TEAD1: variants seen among roughly 807,000 people sequenced by gnomAD.
TEAD1 encodes the protein transcriptional enhancer factor TEF-1.
Under a neutral mutation model 54.9 loss-of-function variants are expected in TEAD1, and 9 were observed. That is an observed-to-expected ratio of 0.16 (90% CI 0.10 to 0.29). TEAD1 has a LOEUF of 0.29. Ranked by LOEUF, TEAD1 falls within the 10% of genes least tolerant of loss-of-function variation. The pLI, the probability that TEAD1 is intolerant of heterozygous loss-of-function variation, is 1.00. For missense variants in TEAD1, 387 were observed against 535.9 expected, an observed-to-expected ratio of 0.72 and a Z score of 2.74; for synonymous variants, 200 against 187.8, an observed-to-expected ratio of 1.07 and a Z score of -0.53.
chr11:12,786,777 A>T (rs1945685798), intron 3 of TEAD1, among the ~76,000 whole-genome samples: 1 of 152,196 alleles, frequency 6.6e-6, no homozygotes, highest in South Asian at 2.1e-4. Context: ...AATAAGGAAG[A>T]TATGTAAGTA....
rs1246572782 is a variant in TEAD1, at chr11:12,939,192, A to C, written c.*1970A>C. 1 of 152,314 alleles carries C rather than the reference A, an allele frequency of 6.6e-6. No homozygotes were observed. The highest frequency in any genetic ancestry group is 1.5e-5 in the Non-Finnish European group (1 of 68,102). The allele number at this position is 152,314 out of a possible 1,614,324, so 9.4% of individuals were successfully genotyped here. A position where few individuals can be genotyped will look rare whatever the true frequency, so the allele number is the denominator to read the frequency against. On this transcript the variant is annotated 3_prime_UTR_variant, in exon 13 of 13. Transcript: ENST00000527636. ...GTTGGACAGTGCTCCTCTGCCCTTC[A>C]TAAACAGACTACTGTTGGGTCCCTG...
At chr11:12,703,785 A>G (rs1048739338) in intron 2 of TEAD1, among the ~76,000 whole-genome samples, 1 of 152,188 alleles carries the variant, frequency 6.6e-6, no homozygotes, top group Non-Finnish European at 1.5e-5. Flanking sequence ...GGTGCCCAGC[A>G]TGAATTGACC....
chr11:12,896,044 T>A (rs540319409), intron 9 of TEAD1, among the ~76,000 whole-genome samples: 9 of 151,958 alleles, frequency 5.9e-5, no homozygotes, highest in Middle Eastern at 6.8e-3. Context: ...TTAAAAAAAA[T>A]TAGCATTCAG....
chr11:12,722,185 A>G (rs1397177664), intron 2 of TEAD1, among the ~76,000 whole-genome samples: 1 of 152,194 alleles, frequency 6.6e-6, no homozygotes, highest in Non-Finnish European at 1.5e-5. Flanking sequence ...AGGGGCTCTG[A>G]AATTCGAAGC....
intron 12 of TEAD1, among the ~76,000 whole-genome samples, chr11:12,932,332 G>A (rs970986895): frequency 1.3e-5 from 2 of 152,098 alleles, no homozygotes; most frequent in Non-Finnish European, 2.9e-5. Flanking sequence ...ACGAGTAGAA[G>A]GTAAGTGTGA....
At chr11:12,702,721 C>T (rs1453834944) in intron 2 of TEAD1, among the ~76,000 whole-genome samples, 3 of 152,114 alleles carry the variant, frequency 2.0e-5, no homozygotes, top group Non-Finnish European at 2.9e-5. Flanking sequence ...GTCCTTCTCT[C>T]GCCCGGATTA....
At chr11:12,837,779 C>CTCTTCTTCCT (rs71037089) in intron 3 of TEAD1, among the ~76,000 whole-genome samples, 127,323 of 138,470 alleles carry the variant, frequency 0.92, 59,706 homozygotes, top group South Asian at 1. Context: ...CCTTCTCTTC[C>CTCTTCTTCCT]TCTTCTTCCT....
At chr11:12,876,274 A>G (rs1947852891) in intron 5 of TEAD1, among the ~76,000 whole-genome samples, 1 of 152,226 alleles carries the variant, frequency 6.6e-6, no homozygotes, top group Non-Finnish European at 1.5e-5. Context: ...GTTTCAAAAA[A>G]GAATATCAAA....
chr11:12,814,715 C>T (rs941615209), intron 3 of TEAD1, among the ~76,000 whole-genome samples: 7 of 151,632 alleles, frequency 4.6e-5, no homozygotes, highest in South Asian at 2.1e-4. Flanking sequence ...CTTGTCACAC[C>T]GTAAGCAAGA....
At chr11:12,858,091 G>A (rs1379357705) in intron 3 of TEAD1, among the ~76,000 whole-genome samples, 1 of 152,082 alleles carries the variant, frequency 6.6e-6, no homozygotes, top group Admixed American at 6.5e-5. Flanking sequence ...GGTGATAAAT[G>A]TGAGACCCTG....
At chr11:12,779,684 A>G (rs1280155408) in intron 3 of TEAD1, among the ~76,000 whole-genome samples, 3 of 152,244 alleles carry the variant, frequency 2.0e-5, no homozygotes, top group Admixed American at 1.3e-4. Flanking sequence ...AAACTCCTCC[A>G]CAAAATATGA....
At chr11:12,918,501 G>T (rs774473713) in intron 10 of TEAD1, among the ~76,000 whole-genome samples, 14 of 152,042 alleles carry the variant, frequency 9.2e-5, no homozygotes, top group Non-Finnish European at 1.9e-4. Context: ...TTTACTGTTA[G>T]TTGGGAAGCC....
At chr11:12,768,708 C>T (rs572590557) in intron 3 of TEAD1, among the ~76,000 whole-genome samples, 1 of 152,288 alleles carries the variant, frequency 6.6e-6, no homozygotes, top group East Asian at 1.9e-4. Flanking sequence ...AGCTGTATTC[C>T]AGCCCTGTGC....
At chr11:12,719,128 A>C (rs916779347) in intron 2 of TEAD1, among the ~76,000 whole-genome samples, 1 of 151,922 alleles carries the variant, frequency 6.6e-6, no homozygotes, top group Non-Finnish European at 1.5e-5. Flanking sequence ...ACAGGACTCA[A>C]GTCCTGGCTT....
At chr11:12,882,094 G>C (rs898989631) in intron 8 of TEAD1, 137 bp downstream of exon 8, 2 of 917,134 alleles carry the variant, frequency 2.2e-6, no homozygotes, top group Non-Finnish European at 1.7e-6. Flanking sequence ...AGGATCCTTG[G>C]GTAGCCTGTA....
At chr11:12,857,939 G>C (rs1030693009) in intron 3 of TEAD1, among the ~76,000 whole-genome samples, 7 of 152,004 alleles carry the variant, frequency 4.6e-5, no homozygotes, top group African/African-American at 1.7e-4. Flanking sequence ...TACAAAAGTT[G>C]GTCTGGTATG....
chr11:12,795,748 A>G (rs951459696), intron 3 of TEAD1, among the ~76,000 whole-genome samples: 2 of 152,190 alleles, frequency 1.3e-5, no homozygotes, highest in Non-Finnish European at 2.9e-5. Context: ...CAAGATCCCC[A>G]GGTGATTTGG....
At chr11:12,772,945 T>G (rs1349636461) in intron 3 of TEAD1, among the ~76,000 whole-genome samples, 2 of 152,170 alleles carry the variant, frequency 1.3e-5, no homozygotes, top group African/African-American at 4.8e-5. Flanking sequence ...GTTGCCCTTC[T>G]CCCTAACTGC....
chr11:12,789,996 T>A (rs932775299), intron 3 of TEAD1, among the ~76,000 whole-genome samples: 1 of 152,156 alleles, frequency 6.6e-6, no homozygotes, highest in African/African-American at 2.4e-5. Context: ...TATCACTCGT[T>A]GGTGACAGCT....
Sources: gnomAD v4.1 joint callset for allele counts (sites outside exome capture counted in the v4.1 genomes callset) on GRCh38, gnomAD v4.1.1 for gene constraint, MANE v1.5 for transcripts, NCBI Gene and HGNC (gene_info 2026-07-23, HGNC 2026-07-21) for gene names.